Variants in MAMDC2 observed in about 807,000 individuals in gnomAD.
The protein encoded by MAMDC2 is MAM domain containing 2.
In MAMDC2, 57 loss-of-function variants were observed where a neutral mutation model predicts 89.8. The ratio of observed to expected loss-of-function variants is 0.63; its 90% CI spans 0.51 to 0.79. MAMDC2 has a LOEUF of 0.79. Ranked by LOEUF, MAMDC2 falls within the 30% of genes least tolerant of loss-of-function variation. The pLI, the probability that MAMDC2 is intolerant of heterozygous loss-of-function variation, is 0.00. For missense variants in MAMDC2, 800 were observed against 820.6 expected (o/e 0.97, Z 0.31); for synonymous variants, 313 against 293.4 (o/e 1.07, Z -0.68).
intron 9 of MAMDC2, among the ~76,000 whole-genome samples, chr9:70,164,936 T>C (rs112270393): frequency 0.011 from 1,637 of 149,316 alleles, 19 homozygotes; most frequent in Non-Finnish European, 0.015. Flanking sequence ...CTATAATTAA[T>C]ATAATTAATA....
At chr9:70,090,899 A>G (rs1475629030) in intron 2 of MAMDC2, 1 of 152,222 alleles carries the variant, frequency 6.6e-6, no homozygotes, top group East Asian at 1.9e-4. Context: ...TATACAATGG[A>G]AAGCTATGCT....
chr9:70,203,043 T>C (rs1369936263), intron 11 of MAMDC2, among the ~76,000 whole-genome samples: 1 of 152,228 alleles, frequency 6.6e-6, no homozygotes, highest in Non-Finnish European at 1.5e-5. Flanking sequence ...TTGGAGCATT[T>C]AGCCCATTTA....
At chr9:70,180,594 T>C (rs1587548974) in intron 11 of MAMDC2, among the ~76,000 whole-genome samples, 1 of 152,348 alleles carries the variant, frequency 6.6e-6, no homozygotes, top group East Asian at 1.9e-4. Context: ...GTGTTTTTGA[T>C]TTGCATTTCT....
chr9:70,178,100 G>A (rs1011368200), intron 11 of MAMDC2, among the ~76,000 whole-genome samples: 1 of 152,210 alleles, frequency 6.6e-6, no homozygotes, highest in Non-Finnish European at 1.5e-5. Context: ...CTAATGGTGT[G>A]AGCTCAATGT....
intron 5 of MAMDC2, among the ~76,000 whole-genome samples, chr9:70,121,329 G>T (rs754770453): frequency 3.6e-4 from 55 of 152,232 alleles, no homozygotes; most frequent in African/African-American, 1.2e-3. Flanking sequence ...AGCACTGCAG[G>T]CTCCATCCCA....
intron 2 of MAMDC2, among the ~76,000 whole-genome samples, chr9:70,095,157 C>G (rs1827995997): frequency 6.6e-6 from 1 of 152,104 alleles, no homozygotes; most frequent in Admixed American, 6.5e-5. Flanking sequence ...TCTGTAGCTG[C>G]CATGTAGGCT....
At chr9:70,209,541 G>A (rs992275854) in intron 11 of MAMDC2, among the ~76,000 whole-genome samples, 22 of 39,698 alleles carry the variant, frequency 5.5e-4, no homozygotes, top group South Asian at 4.2e-3. Flanking sequence ...TAGTCTGAGC[G>A]GTCTATCTAT....
In MAMDC2 at chr9:70,168,214, A is replaced by G. The variant is rs1411354427; in HGVS notation, c.1405-488A>G. Reference sequence around the variant, plus strand: ...CAAATATATTAAGTAATTCTAGGCCAGGTGTGGTGGCTCACAACTGTAATC... The same window carrying G: ...CAAATATATTAAGTAATTCTAGGCCGGGTGTGGTGGCTCACAACTGTAATC... On this transcript the variant is annotated intron_variant, in intron 9 of 13. Coordinates refer to ENST00000377182, the MANE Select transcript of MAMDC2 (RefSeq NM_153267.5). Among the ~76,000 whole-genome samples, 9 of 152,326 alleles carry G rather than the reference A, an allele frequency of 5.9e-5. No individual in the cohort carries two copies. The South Asian group carries it at 1.9e-3, about 32-fold the overall frequency.
chr9:70,150,254 C>A (rs767086454), intron 9 of MAMDC2, among the ~76,000 whole-genome samples: 6 of 152,160 alleles, frequency 3.9e-5, no homozygotes, highest in Non-Finnish European at 7.4e-5. Flanking sequence ...AGTTTTAAGT[C>A]ACAGAGCACC....
intron 11 of MAMDC2, among the ~76,000 whole-genome samples, chr9:70,202,956 C>T (rs1028274870): frequency 2.7e-4 from 41 of 151,272 alleles, no homozygotes; most frequent in African/African-American, 8.7e-4. Context: ...TGTCTCTGCA[C>T]GTGAGATGGG....
At chr9:70,117,747 TG>T (rs1177087614) in intron 5 of MAMDC2, among the ~76,000 whole-genome samples, 1 of 151,850 alleles carries the variant, frequency 6.6e-6, no homozygotes, top group East Asian at 1.9e-4. Flanking sequence ...AGGTGATATG[TG>T]GTCAAATAAA....
At chr9:70,087,339 A>G (rs528692343) in intron 2 of MAMDC2, 125 of 152,296 alleles carry the variant, frequency 8.2e-4, no homozygotes, top group African/African-American at 2.7e-3. Context: ...TAGGGGCTTA[A>G]AAGTTCCATT....
chr9:70,130,804 A>C (rs938076345), intron 6 of MAMDC2, among the ~76,000 whole-genome samples: 3 of 149,190 alleles, frequency 2.0e-5, no homozygotes, highest in Non-Finnish European at 4.5e-5. Flanking sequence ...CAAAACAAAA[A>C]AACAAAAAAA....
At chr9:70,164,249 C>T (rs745927317) in intron 9 of MAMDC2, among the ~76,000 whole-genome samples, 13 of 152,146 alleles carry the variant, frequency 8.5e-5, no homozygotes, top group African/African-American at 1.7e-4. Flanking sequence ...TGGCCCAAAA[C>T]GTCAGTAGTG....
chr9:70,059,841 A>G (rs1432478503), intron 2 of MAMDC2, among the ~76,000 whole-genome samples: 1 of 152,126 alleles, frequency 6.6e-6, no homozygotes, highest in Non-Finnish European at 1.5e-5. Context: ...CCAATTCATG[A>G]GCTCCCTTGA....
At position 70,218,398 on chromosome 9, in the gene MAMDC2, CAG is replaced by C. The variant is rs770159655; in HGVS notation, c.1714_1715del (p.Arg572AlafsTer36). 1.2e-6 allele frequency: 2 copies of C among 1,614,184 alleles called. No homozygotes were observed. The highest frequency in any genetic ancestry group is 4.5e-5 in the East Asian group (2 of 44,880). ...ATGGACAAAAAGCACGCCTCTTGTC[CAG>C]GCCTCTGCGAGGAGTCTCTGGAAAA... ...VYGQKARLLS[R>X]PLRGVSGKHC... On this transcript the variant is annotated frameshift_variant, in exon 12 of 14. Transcript: ENST00000377182. LOFTEE classifies it high-confidence loss of function.
intron 11 of MAMDC2, among the ~76,000 whole-genome samples, chr9:70,177,841 T>C (rs540293994): frequency 1.3e-4 from 20 of 152,318 alleles, no homozygotes; most frequent in Admixed American, 1.2e-3. Flanking sequence ...AACTTATATG[T>C]GAAAAGCACA....
chr9:70,085,832 A>G (rs983912327), intron 2 of MAMDC2: 1 of 152,070 alleles, frequency 6.6e-6, no homozygotes. Flanking sequence ...GCAACTTTTT[A>G]TTTTTTATTA....
intron 9 of MAMDC2, chr9:70,148,211 C>A (rs973931036): frequency 6.7e-6 from 1 of 150,150 alleles, no homozygotes; most frequent in Non-Finnish European, 1.5e-5. Flanking sequence ...TTATTGCATT[C>A]CCTGTTGCCT....
Sources: allele counts gnomAD v4.1 joint callset (sites outside exome capture counted in the v4.1 genomes callset), GRCh38; gene constraint gnomAD v4.1.1; transcripts MANE v1.5; gene names NCBI Gene and HGNC (gene_info 2026-07-23, HGNC 2026-07-21).